Variants in SIK3 observed in about 807,000 individuals in gnomAD.
SIK3 encodes the protein serine/threonine-protein kinase SIK3.
SIK3 carries 28 observed loss-of-function variants against 144.2 expected under a neutral mutation model. That is an observed-to-expected ratio of 0.19 (90% CI 0.14 to 0.27). The LOEUF (loss-of-function observed/expected upper bound fraction) is 0.27. Ranked by LOEUF, SIK3 falls within the 10% of genes least tolerant of loss-of-function variation. The pLI, the probability that SIK3 is intolerant of heterozygous loss-of-function variation, is 1.00. For missense variants in SIK3, 1,319 were observed against 1,776.0 expected, an observed-to-expected ratio of 0.74 and a Z score of 4.62; for synonymous variants, 686 against 676.3, an observed-to-expected ratio of 1.01 and a Z score of -0.22.
At chr11:116,931,662 G>GA (rs1336639335) in intron 3 of SIK3, among the ~76,000 whole-genome samples, 1 of 152,156 alleles carries the variant, frequency 6.6e-6, no homozygotes, top group Non-Finnish European at 1.5e-5. Flanking sequence ...GTGACTACCT[G>GA]AAAAAACTTC....
chr11:117,087,054 C>T (rs756256804), intron 1 of SIK3, among the ~76,000 whole-genome samples: 11 of 151,424 alleles, frequency 7.3e-5, no homozygotes, highest in Non-Finnish European at 1.3e-4. Context: ...TCTCATTAAC[C>T]TTTCTTCTTC....
chr11:117,022,380 C>T (rs11216238), intron 1 of SIK3, among the ~76,000 whole-genome samples: 397 of 152,144 alleles, frequency 2.6e-3, no homozygotes, highest in Middle Eastern at 0.017. Context: ...TAGTGAAACC[C>T]CTGAGTTGGG....
intron 1 of SIK3, among the ~76,000 whole-genome samples, chr11:117,035,152 T>C (rs1952439467): frequency 6.6e-6 from 1 of 152,200 alleles, no homozygotes; most frequent in South Asian, 2.1e-4. Context: ...ATCATTAATG[T>C]CCATTTATCA....
chr11:116,881,132 T>A (rs1329646361), intron 6 of SIK3, among the ~76,000 whole-genome samples: 1 of 150,498 alleles, frequency 6.6e-6, no homozygotes, highest in African/African-American at 2.4e-5. Flanking sequence ...TCTAAAAAAA[T>A]AAATAAATAA....
chr11:117,088,939 C>T (rs1284608175), intron 1 of SIK3, among the ~76,000 whole-genome samples: 1 of 152,078 alleles, frequency 6.6e-6, no homozygotes, highest in Non-Finnish European at 1.5e-5. Flanking sequence ...GCCTCAGCCT[C>T]CCAAAGTGCT....
chr11:117,018,299 T>C (rs1591545442), intron 1 of SIK3, among the ~76,000 whole-genome samples: 1 of 152,324 alleles, frequency 6.6e-6, no homozygotes, highest in Non-Finnish European at 1.5e-5. Context: ...ACCACTGTTT[T>C]GATCAGCATT....
chr11:116,986,169 G>A (rs1950320885), intron 1 of SIK3, among the ~76,000 whole-genome samples: 1 of 152,064 alleles, frequency 6.6e-6, no homozygotes, highest in Non-Finnish European at 1.5e-5. Context: ...TAAACTTCTG[G>A]TTTGTAGTGT....
intron 1 of SIK3, among the ~76,000 whole-genome samples, chr11:117,053,222 A>G (rs1471286747): frequency 6.6e-6 from 1 of 151,994 alleles, no homozygotes; most frequent in East Asian, 1.9e-4. Context: ...CTATAATCCC[A>G]GCTACTCAGG....
chr11:116,852,773 A>T (rs1240657311), intron 21 of SIK3, among the ~76,000 whole-genome samples: 1 of 152,238 alleles, frequency 6.6e-6, no homozygotes, highest in Non-Finnish European at 1.5e-5. Context: ...CCATATGTAA[A>T]TGAACAAATG....
chr11:116,846,549 A>G lies in SIK3; in HGVS notation c.3957T>C (p.Cys1319=). 1 of 1,614,134 alleles carries G rather than the reference A, an allele frequency of 6.2e-7. No individual in the cohort carries two copies. Among genetic ancestry groups the G allele is most frequent in the Non-Finnish European group, 8.5e-7 (1 of 1,180,000 alleles). ...QQFQDGENEE[C]GASLGGHEHP... ...GCTCATGACCTCCCAGGCTTGCCCC[A>G]CATTCTGCAAGACCAAAAAGAACGT... Residue 1319 remains cysteine, a synonymous_variant, in exon 24 of 25, where the codon TGT becomes TGC. Coordinates refer to ENST00000445177, the MANE Select transcript of SIK3 (RefSeq NM_001366686.3). This position sits in a 1 kb window ranked among gnomAD's most constrained non-coding sequence, Gnocchi z 4.1.
Position 116,859,467 on chromosome 11 carries a change from C to T in SIK3, c.2563G>A (p.Val855Ile). 6.2e-7 allele frequency: 1 copy of T among 1,614,184 alleles called. No individual in the cohort carries two copies. Among genetic ancestry groups the T allele is most frequent in the Non-Finnish European group, 8.5e-7 (1 of 1,180,050 alleles). ...ACAGGCTCTTGGACTTGGATGGTGA[C>T]CTGCTGTGACTGAGCAGGCTGCTGC... is the stretch of plus-strand genomic sequence containing the variant. Reference protein sequence around the residue: ...GMQQPAQSQQVTIQVQEPVDM... With the variant: ...GMQQPAQSQQITIQVQEPVDM... The change falls in exon 20 of 25, where the codon GTC becomes ATC. Residue 855 changes from valine to isoleucine, a missense_variant. This residue lies in a region of SIK3 where 646 missense variants were observed against 763.7 expected (regional missense o/e 0.85). Transcript: ENST00000445177.
intron 3 of SIK3, among the ~76,000 whole-genome samples, chr11:116,953,047 A>C (rs1218626350): frequency 6.6e-6 from 1 of 152,134 alleles, no homozygotes; most frequent in Non-Finnish European, 1.5e-5. Flanking sequence ...ACTTACCCTA[A>C]AGATACTTTG....
At chr11:116,998,253 C>T (rs1410502947) in intron 1 of SIK3, among the ~76,000 whole-genome samples, 1 of 151,454 alleles carries the variant, frequency 6.6e-6, no homozygotes, top group Non-Finnish European at 1.5e-5. Flanking sequence ...AGGCAGATCA[C>T]AAGGTCAGGA....
At chr11:116,914,093 T>C (rs1375967267) in intron 4 of SIK3, among the ~76,000 whole-genome samples, 1 of 148,476 alleles carries the variant, frequency 6.7e-6, no homozygotes, top group African/African-American at 2.5e-5. Context: ...TTAAAGCTAA[T>C]AGGAAACAAA....
intron 1 of SIK3, among the ~76,000 whole-genome samples, chr11:117,016,373 AGGGAGGGAGAGAGGGAGGGAG>A (rs1951529544): frequency 1.5e-5 from 1 of 67,862 alleles, no homozygotes; most frequent in Non-Finnish European, 2.5e-5. Context: ...AGGGAAGGAG[AGGGAGGGAGAGAGGGAGGGAG>A]GGAAGGAAGG....
chr11:117,000,795 G>T (rs1001195273), intron 1 of SIK3, among the ~76,000 whole-genome samples: 1 of 152,148 alleles, frequency 6.6e-6, no homozygotes, highest in African/African-American at 2.4e-5. Flanking sequence ...TGCCAGCATC[G>T]CTGGAAGGGA....
intron 1 of SIK3, among the ~76,000 whole-genome samples, chr11:117,041,564 T>C (rs1952743470): frequency 6.6e-6 from 1 of 152,212 alleles, no homozygotes; most frequent in African/African-American, 2.4e-5. Flanking sequence ...TGCTAAAATA[T>C]CTGAAAATAA....
At chr11:116,983,071 TA>T (rs1305679409) in intron 1 of SIK3, among the ~76,000 whole-genome samples, 4 of 148,826 alleles carry the variant, frequency 2.7e-5, no homozygotes, top group African/African-American at 9.9e-5. Flanking sequence ...AATTGAAATA[TA>T]AAAAATTAGC....
At chr11:117,090,981 G>A (rs959607479) in intron 1 of SIK3, among the ~76,000 whole-genome samples, 8 of 152,134 alleles carry the variant, frequency 5.3e-5, no homozygotes, top group Non-Finnish European at 8.8e-5. Flanking sequence ...CAGTAAAAAA[G>A]CAAGTGCTCA....
Sources: allele counts gnomAD v4.1 joint callset (sites outside exome capture counted in the v4.1 genomes callset), GRCh38; gene constraint gnomAD v4.1.1; regional missense constraint gnomAD v4.1.1; non-coding constraint Gnocchi (gnomAD v3.1); transcripts MANE v1.5; gene names NCBI Gene and HGNC (gene_info 2026-07-23, HGNC 2026-07-21).